Variants in VTCN1 observed in about 807,000 individuals in gnomAD.
The protein encoded by VTCN1 is V-set domain containing T cell activation inhibitor 1.
A neutral mutation model predicts 26.5 loss-of-function variants in VTCN1; 26 were observed. That is an observed-to-expected ratio of 0.98 (90% confidence interval 0.72 to 1.36). VTCN1 has a LOEUF of 1.36. Ranked by LOEUF, VTCN1 falls within the 40% of genes most tolerant of loss-of-function variation. VTCN1 has a pLI of 0.00. For missense variants in VTCN1, 298 were observed against 337.7 expected (o/e 0.88, Z 0.92); for synonymous variants, 116 against 130.7 (o/e 0.89, Z 0.77).
intron 1 of VTCN1, among the ~76,000 whole-genome samples, chr1:117,209,022 G>C (rs1049767539): frequency 6.6e-6 from 1 of 152,178 alleles, no homozygotes; most frequent in African/African-American, 2.4e-5. Context: ...CCTGAGATGA[G>C]CTTTCATGAT....
intron 1 of VTCN1, among the ~76,000 whole-genome samples, chr1:117,190,234 A>G (rs954590114): frequency 6.6e-6 from 1 of 152,224 alleles, no homozygotes; most frequent in Non-Finnish European, 1.5e-5. Context: ...AGACTTGCCA[A>G]TCTCAGTCCA....
intron 2 of VTCN1, among the ~76,000 whole-genome samples, chr1:117,166,857 C>G (rs989776975): frequency 6.6e-6 from 1 of 151,406 alleles, no homozygotes; most frequent in Non-Finnish European, 1.5e-5. Flanking sequence ...TGTGGGAGGT[C>G]GAGGTGGGTG....
intron 2 of VTCN1, among the ~76,000 whole-genome samples, chr1:117,165,418 A>C (rs1038008942): frequency 2.0e-5 from 3 of 152,212 alleles, no homozygotes; most frequent in Admixed American, 1.3e-4. Context: ...CAATTATATT[A>C]TATTGGAGGA....
At chr1:117,149,928 C>T (rs567892563) in intron 4 of VTCN1, among the ~76,000 whole-genome samples, 1 of 152,330 alleles carries the variant, frequency 6.6e-6, no homozygotes, top group Admixed American at 6.5e-5. Flanking sequence ...ACACTTCGAA[C>T]ACTTGTTTTG....
intron 1 of VTCN1, among the ~76,000 whole-genome samples, chr1:117,202,599 T>C (rs757648014): frequency 6.6e-5 from 10 of 152,220 alleles, no homozygotes; most frequent in Non-Finnish European, 1.5e-4. Context: ...AATAAGAATA[T>C]GCTGCTAAGC....
At chr1:117,203,839 C>A (rs1648912302) in intron 1 of VTCN1, 1 of 952,762 alleles carries the variant, frequency 1.0e-6, no homozygotes, top group African/African-American at 1.8e-5. Context: ...ATTACCAGGC[C>A]CTGCCCCCAG....
chr1:117,200,430 T>C (rs1038809389), intron 1 of VTCN1, among the ~76,000 whole-genome samples: 3 of 152,140 alleles, frequency 2.0e-5, no homozygotes, highest in Non-Finnish European at 2.9e-5. Context: ...CTTTCCAAGA[T>C]TGCAGAGTAG....
rs1235741962 is a variant in VTCN1 at position 117,153,412 on chromosome 1, C to A, written c.446-43G>T. 1.1e-5 allele frequency: 17 copies of A among 1,558,656 alleles called. No homozygotes were observed. In the Admixed American group the frequency reaches 3.2e-4, roughly 30 times the overall value. ...AGAAAGGGCAGATGCCAAAGTCAGA[C>A]ACGTAAGACAATATAGCCTTTGAAG... On this transcript the variant is annotated intron_variant, in intron 3 of 5. Transcript: ENST00000369458.
chr1:117,205,881 C>T (rs528956051), intron 1 of VTCN1, among the ~76,000 whole-genome samples: 4 of 152,134 alleles, frequency 2.6e-5, no homozygotes, highest in African/African-American at 4.8e-5. Flanking sequence ...TGGTCATAGT[C>T]GCATCGCTCC....
chr1:117,174,947 C>T lies in VTCN1; in HGVS notation c.33-4776G>A, dbSNP rs1366405825. The stretch of plus-strand genomic sequence containing the variant: ...AGGATCTAAGCATTGCACTTTAGTG[C>T]TCTGGGCTGTGGGCTGGGAAGGTGC... On this transcript the variant is annotated intron_variant, in intron 1 of 5. Transcript: ENST00000369458. 5.3e-5 allele frequency among the ~76,000 whole-genome samples: 8 copies of T among 152,158 alleles called. No individual in the cohort carries two copies. The East Asian group carries it at 1.5e-3, about 29-fold the overall frequency.
rs923968362 is a variant in VTCN1, at chr1:117,179,899, T to C, written c.33-9728A>G. Among the ~76,000 whole-genome samples, 9 of 152,180 alleles carry C rather than the reference T, an allele frequency of 5.9e-5. 1 individual carries two copies. Among genetic ancestry groups the C allele is most frequent in the African/African-American group, 2.2e-4 (9 of 41,452 alleles). ...GAAGCTGAGGCCTAATGTTAAGTAA[T>C]TCCCCTGAGGACTCAGTCCTGGGAA... On this transcript the variant is annotated intron_variant, in intron 1 of 5. Coordinates refer to ENST00000369458, the MANE Select transcript of VTCN1 (RefSeq NM_024626.4).
intron 1 of VTCN1, among the ~76,000 whole-genome samples, chr1:117,180,031 G>A (rs915502012): frequency 3.3e-5 from 5 of 152,060 alleles, no homozygotes; most frequent in African/African-American, 7.2e-5. Flanking sequence ...CTTGGGATTC[G>A]AATCAGTGGC....
chr1:117,190,984 A>G (rs1054711896), intron 1 of VTCN1, among the ~76,000 whole-genome samples: 1 of 152,236 alleles, frequency 6.6e-6, no homozygotes, highest in Non-Finnish European at 1.5e-5. Flanking sequence ...AAGAAGCTCA[A>G]TGAGATGCAC....
intron 1 of VTCN1, among the ~76,000 whole-genome samples, chr1:117,170,526 C>T (rs963159941): frequency 7.2e-5 from 11 of 152,064 alleles, no homozygotes. Context: ...GGTCCTGTTC[C>T]CAGCCTTCCC....
chr1:117,206,994 A>C (rs1038926296), intron 1 of VTCN1, among the ~76,000 whole-genome samples: 1 of 152,114 alleles, frequency 6.6e-6, no homozygotes, highest in Non-Finnish European at 1.5e-5. Flanking sequence ...GTTGGACACA[A>C]ATACGGCCTG....
chr1:117,190,879 G>A (rs552941874), intron 1 of VTCN1, among the ~76,000 whole-genome samples: 89 of 152,278 alleles, frequency 5.8e-4, no homozygotes, highest in African/African-American at 2.1e-3. Flanking sequence ...TCAGGCAAAC[G>A]TGACACCACC....
intron 1 of VTCN1, among the ~76,000 whole-genome samples, chr1:117,187,203 C>T (rs755299143): frequency 7.0e-5 from 10 of 142,960 alleles, no homozygotes; most frequent in South Asian, 2.4e-4. Flanking sequence ...CCCAGCTACT[C>T]GGGAGGCTGA....
intron 2 of VTCN1, 97 bp downstream of exon 2, chr1:117,170,010 G>C: frequency 8.3e-7 from 1 of 1,206,734 alleles, no homozygotes; most frequent in Admixed American, 1.7e-5. Context: ...GGTTTTCTGG[G>C]TCAAAGCTCT....
In VTCN1 at chr1:117,183,250, C is replaced by T. The variant is rs1647762426; in HGVS notation, c.33-13079G>A. ...CCATGCCTTCGTTCCTATTATTTTT[C>T]AAGTTCTTGGAACATGCAAGGAACT... On this transcript the variant is annotated intron_variant, in intron 1 of 5. Transcript: ENST00000369458. This position sits in a 1 kb window ranked among gnomAD's most constrained non-coding sequence, Gnocchi z 4.1. Among the ~76,000 whole-genome samples the T allele has an allele frequency of 1.3e-5, 2 of 152,164 alleles. No homozygotes were observed. Among genetic ancestry groups the T allele is most frequent in the Admixed American group, 6.5e-5 (1 of 15,276 alleles).
Sources: allele counts gnomAD v4.1 joint callset (sites outside exome capture counted in the v4.1 genomes callset), GRCh38; gene constraint gnomAD v4.1.1; non-coding constraint Gnocchi (gnomAD v3.1); transcripts MANE v1.5; gene names NCBI Gene and HGNC (gene_info 2026-07-23, HGNC 2026-07-21).